The following AGBL4 variants were observed in gnomAD, a reference collection of about 807,000 sequenced individuals.
AGBL4 encodes the protein cytosolic carboxypeptidase 6.
A neutral mutation model predicts 66.4 loss-of-function variants in AGBL4; 58 were observed. The ratio of observed to expected loss-of-function variants is 0.87; its 90% CI spans 0.71 to 1.09. The LOEUF is 1.09. AGBL4 is among the 50% of genes least tolerant of loss of function. The pLI is 0.00. For synonymous variants in AGBL4, 234 were observed against 222.9 expected, an observed-to-expected ratio of 1.05 and a Z score of -0.44; for missense variants, 579 against 631.0, an observed-to-expected ratio of 0.92 and a Z score of 0.88.
chr1:49,675,736 A>G (rs1168958998), intron 3 of AGBL4, among the ~76,000 whole-genome samples: 1 of 152,048 alleles, frequency 6.6e-6, no homozygotes, highest in Non-Finnish European at 1.5e-5. Context: ...TGTATCTACT[A>G]AGGGAGACAG....
At chr1:48,964,490 A>G (rs879694236) in intron 5 of AGBL4, among the ~76,000 whole-genome samples, 4 of 152,220 alleles carry the variant, frequency 2.6e-5, no homozygotes, top group Non-Finnish European at 5.9e-5. Flanking sequence ...TATAATGCCA[A>G]TGATATAAAG....
intron 1 of AGBL4, among the ~76,000 whole-genome samples, chr1:49,978,297 A>G (rs1190385322): frequency 6.6e-6 from 1 of 152,194 alleles, no homozygotes; most frequent in Non-Finnish European, 1.5e-5. Context: ...AAAAAAAATT[A>G]GCCAGGTATA....
chr1:49,071,455 A>G (rs1226424025), intron 4 of AGBL4, among the ~76,000 whole-genome samples: 1 of 151,806 alleles, frequency 6.6e-6, no homozygotes, highest in Non-Finnish European at 1.5e-5. Flanking sequence ...CTTTGTTCTC[A>G]CTGGTTTCAA....
intron 1 of AGBL4, among the ~76,000 whole-genome samples, chr1:50,019,306 T>TCTCTCTCACACACACACACACA (rs1167835143): frequency 6.2e-5 from 3 of 48,402 alleles, no homozygotes; most frequent in Admixed American, 7.1e-4. Flanking sequence ...TCTCTCTCTC[T>TCTCTCTCACACACACACACACA]CACACACACA....
intron 3 of AGBL4, among the ~76,000 whole-genome samples, chr1:49,633,947 TA>T (rs1307565723): frequency 7.0e-6 from 1 of 142,882 alleles, no homozygotes; most frequent in African/African-American, 2.7e-5. Context: ...ATAAAATTAT[TA>T]AAATAATTTT....
intron 5 of AGBL4, among the ~76,000 whole-genome samples, chr1:48,964,252 T>G (rs1161537067): frequency 6.6e-6 from 1 of 152,214 alleles, no homozygotes. Context: ...CTGCACCTGG[T>G]TCTCCTAGAC....
chr1:49,249,460 T>C (rs911298743), intron 3 of AGBL4, among the ~76,000 whole-genome samples: 1 of 152,166 alleles, frequency 6.6e-6, no homozygotes, highest in Non-Finnish European at 1.5e-5. Flanking sequence ...ACAATAGGTA[T>C]ATGAAAACAT....
At chr1:49,326,689 C>A (rs1570441369) in intron 3 of AGBL4, among the ~76,000 whole-genome samples, 1 of 152,128 alleles carries the variant, frequency 6.6e-6, no homozygotes, top group African/African-American at 2.4e-5. Flanking sequence ...AAATCATCAA[C>A]AGTGTCAAGT....
At chr1:49,696,713 C>T (rs1043607523) in intron 3 of AGBL4, among the ~76,000 whole-genome samples, 1 of 151,956 alleles carries the variant, frequency 6.6e-6, no homozygotes, top group Non-Finnish European at 1.5e-5. Flanking sequence ...TGGTCCCACG[C>T]GTTTAAGATA....
intron 6 of AGBL4, among the ~76,000 whole-genome samples, chr1:48,735,373 G>T (rs776742002): frequency 6.6e-5 from 10 of 151,880 alleles, no homozygotes; most frequent in Non-Finnish European, 1.3e-4. Context: ...GCCTGGCAAA[G>T]AATGGATGGA....
chr1:49,757,223 T>C (rs752273799), intron 2 of AGBL4, among the ~76,000 whole-genome samples: 8 of 152,166 alleles, frequency 5.3e-5, no homozygotes, highest in African/African-American at 9.7e-5. Context: ...GCCATGATTG[T>C]ATATTTTTTG....
At chr1:49,032,673 A>C (rs1344214495) in intron 5 of AGBL4, among the ~76,000 whole-genome samples, 1 of 152,056 alleles carries the variant, frequency 6.6e-6, no homozygotes, top group African/African-American at 2.4e-5. Flanking sequence ...AAACCTGTTC[A>C]CCTCATATGT....
chr1:48,919,022 A>G (rs528793821), intron 5 of AGBL4, among the ~76,000 whole-genome samples: 1 of 152,320 alleles, frequency 6.6e-6, no homozygotes, highest in African/African-American at 2.4e-5. Context: ...TCTCCATAAT[A>G]GAAGGAAGCC....
At chr1:49,341,177 A>G (rs1645532519) in intron 3 of AGBL4, among the ~76,000 whole-genome samples, 3 of 152,086 alleles carry the variant, frequency 2.0e-5, no homozygotes, top group Admixed American at 1.3e-4. Context: ...ACTCCCCTTG[A>G]ATTCTTTCTT....
Position 48,701,889 on chromosome 1 carries a change from C to T in AGBL4, c.635-38648G>A, listed in dbSNP as rs531515539. Among the ~76,000 whole-genome samples, 67 of 152,216 alleles carry T rather than the reference C, an allele frequency of 4.4e-4. 1 individual carries two copies. Among genetic ancestry groups the T allele is most frequent in the Admixed American group, 2.2e-3 (34 of 15,290 alleles). On this transcript the variant is annotated intron_variant, in intron 6 of 13. Coordinates refer to ENST00000371839, the MANE Select transcript of AGBL4 (RefSeq NM_032785.4). ...ATGAATGAATGAATGAGTTAATGAA[C>T]GAATGAAGCACATAAAATTACCCTT...
At chr1:49,593,190 C>T (rs984210254) in intron 3 of AGBL4, among the ~76,000 whole-genome samples, 7 of 152,102 alleles carry the variant, frequency 4.6e-5, no homozygotes, top group Non-Finnish European at 8.8e-5. Flanking sequence ...GGGTGGATCA[C>T]GAGGTCAGAT....
chr1:49,721,547 G>C (rs1648612358), intron 2 of AGBL4, among the ~76,000 whole-genome samples: 1 of 152,098 alleles, frequency 6.6e-6, no homozygotes. Context: ...GTAGATCAGG[G>C]TAAGAAAATA....
chr1:49,998,542 T>C, intron 1 of AGBL4, among the ~76,000 whole-genome samples: 1 of 152,046 alleles, frequency 6.6e-6, no homozygotes, highest in East Asian at 1.9e-4. Flanking sequence ...TATTAACACT[T>C]TTCCAAAAGA....
intron 1 of AGBL4, among the ~76,000 whole-genome samples, chr1:49,903,712 C>T (rs921728086): frequency 3.3e-5 from 5 of 151,946 alleles, no homozygotes; most frequent in Admixed American, 3.3e-4. Flanking sequence ...AATACTCATT[C>T]TTATAATAAT....
Sources: allele counts gnomAD v4.1 joint callset (sites outside exome capture counted in the v4.1 genomes callset), GRCh38; gene constraint gnomAD v4.1.1; transcripts MANE v1.5; gene names NCBI Gene and HGNC (gene_info 2026-07-23, HGNC 2026-07-21).